L3MBTL3: variants seen among roughly 807,000 people sequenced by gnomAD.
The protein encoded by L3MBTL3 is L3MBTL histone methyl-lysine binding protein 3, also known as lethal(3)malignant brain tumor-like protein 3.
A neutral mutation model predicts 102.3 loss-of-function variants in L3MBTL3; 27 were observed. The observed-to-expected ratio is 0.26, with a 90% CI of 0.19 to 0.36. L3MBTL3 has a LOEUF of 0.36. Among genes scored for constraint, L3MBTL3 ranks in the 10% least tolerant of loss-of-function variants. The probability of loss-of-function intolerance (pLI) is 1.00; values close to 1 mark genes in which losing one functional copy is unlikely to be tolerated. For synonymous variants in L3MBTL3, 340 were observed against 320.9 expected, an observed-to-expected ratio of 1.06 and a Z score of -0.64; for missense variants, 798 against 955.3, an observed-to-expected ratio of 0.84 and a Z score of 2.17.
At chr6:130,131,821 C>T (rs1787076134) in intron 20 of L3MBTL3, among the ~76,000 whole-genome samples, 1 of 152,148 alleles carries the variant, frequency 6.6e-6, no homozygotes, top group East Asian at 1.9e-4. Flanking sequence ...GTGAGGACGA[C>T]CAGAGGTCAC....
chr6:130,037,470 C>A (rs550244848), intron 2 of L3MBTL3, among the ~76,000 whole-genome samples: 1 of 151,526 alleles, frequency 6.6e-6, no homozygotes, highest in Non-Finnish European at 1.5e-5. Flanking sequence ...TATAGGCAGT[C>A]GATATCATTG....
At chr6:130,136,629 T>A (rs1417949026) in intron 22 of L3MBTL3, among the ~76,000 whole-genome samples, 1 of 151,646 alleles carries the variant, frequency 6.6e-6, no homozygotes, top group Non-Finnish European at 1.5e-5. Context: ...AATCACCTTT[T>A]TTTTTTGAGA....
chr6:130,055,625 TCC>T, intron 8 of L3MBTL3, among the ~76,000 whole-genome samples: 1 of 71,862 alleles, frequency 1.4e-5, no homozygotes, highest in African/African-American at 5.1e-5. Flanking sequence ...TCTCCCTGTC[TCC>T]CTCCCTCCCT....
At chr6:130,075,358 C>T (rs1782883512) in intron 13 of L3MBTL3, among the ~76,000 whole-genome samples, 2 of 152,022 alleles carry the variant, frequency 1.3e-5, no homozygotes, top group African/African-American at 4.8e-5. Context: ...GGAATGGGTA[C>T]TTAGAGGTTG....
At chr6:130,100,564 T>C (rs1262878604) in intron 18 of L3MBTL3, among the ~76,000 whole-genome samples, 1 of 152,118 alleles carries the variant, frequency 6.6e-6, no homozygotes, top group African/African-American at 2.4e-5. Flanking sequence ...AAATCACTGC[T>C]TTGAGGGCTT....
At chr6:130,125,318 TTTTCCTGTGA>T (rs1786522196) in intron 20 of L3MBTL3, among the ~76,000 whole-genome samples, 1 of 152,230 alleles carries the variant, frequency 6.6e-6, no homozygotes, top group African/African-American at 2.4e-5. Flanking sequence ...GTGTCTCTTA[TTTTCCTGTGA>T]TTTCCTACAT....
intron 19 of L3MBTL3, among the ~76,000 whole-genome samples, chr6:130,119,733 A>G (rs1241706310): frequency 1.3e-5 from 2 of 152,202 alleles, no homozygotes; most frequent in African/African-American, 4.8e-5. Context: ...GAAATTTTGC[A>G]TTTGCTCCTG....
rs561128602 is a variant in L3MBTL3, at chr6:130,068,818, A to T, written c.1092+397A>T. Among the ~76,000 whole-genome samples, 3 of 152,326 alleles carry T rather than the reference A, an allele frequency of 2.0e-5. No individual in the cohort carries two copies. The South Asian group carries it at 6.2e-4, about 32-fold the overall frequency. On this transcript the variant is annotated intron_variant, in intron 12 of 22. Transcript: ENST00000361794. ...ATGTAGGAGGTCACTGGAGACTGTG[A>T]CATATCTTCACTCTAGCTTATAGCT...
chr6:130,113,810 TAAAC>T (rs1180966574), intron 19 of L3MBTL3, among the ~76,000 whole-genome samples: 4 of 152,230 alleles, frequency 2.6e-5, no homozygotes, highest in Non-Finnish European at 4.4e-5. Flanking sequence ...TGTACCCTGT[TAAAC>T]AGATAGGAAA....
At chr6:130,048,770 T>C (rs1780881461) in intron 3 of L3MBTL3, among the ~76,000 whole-genome samples, 1 of 152,170 alleles carries the variant, frequency 6.6e-6, no homozygotes, top group East Asian at 1.9e-4. Context: ...TCTTGGATTG[T>C]AAGGAGAAGG....
intron 11 of L3MBTL3, among the ~76,000 whole-genome samples, chr6:130,066,995 A>G (rs1261938921): frequency 6.6e-6 from 1 of 152,134 alleles, no homozygotes; most frequent in African/African-American, 2.4e-5. Flanking sequence ...AACTCATAGC[A>G]ATTACTTTTC....
chr6:130,049,812 C>G lies in L3MBTL3; in HGVS notation c.271C>G (p.Pro91Ala), dbSNP rs759586015. ...ATTTCCACCTGCCTACTGGACATCT[C>G]CACCTGGATGTCCCACAGGTACCTC... The part of the protein sequence containing the change: ...PVFPPAYWTS[P>A]PGCPTVFSEK... Residue 91 changes from proline (P) to alanine (A), a missense_variant, in exon 5 of 23, where the codon CCA (proline) becomes GCA (alanine). Around this residue, in one of 4 missense-constraint regions of L3MBTL3, gnomAD observed 434 missense variants for 506.6 expected, o/e 0.86. Transcript: ENST00000361794. 2.5e-6 allele frequency: 4 copies of G among 1,613,110 alleles called. No homozygotes were observed. The highest frequency in any genetic ancestry group is 3.4e-6 in the Non-Finnish European group (4 of 1,179,592).
intron 22 of L3MBTL3, among the ~76,000 whole-genome samples, chr6:130,136,199 A>G (rs1787638712): frequency 6.6e-6 from 1 of 152,178 alleles, no homozygotes; most frequent in Non-Finnish European, 1.5e-5. Flanking sequence ...GTCTATTCCC[A>G]GCACAGCCAA....
chr6:130,108,240 T>G (rs1270668352), intron 19 of L3MBTL3, among the ~76,000 whole-genome samples: 26 of 140,100 alleles, frequency 1.9e-4, no homozygotes, highest in Middle Eastern at 3.5e-3. Context: ...TGTTTTTTTT[T>G]TTTTTTTTTT....
chr6:130,056,016 C>T (rs1475719948), intron 8 of L3MBTL3, among the ~76,000 whole-genome samples: 4 of 151,732 alleles, frequency 2.6e-5, no homozygotes, highest in Non-Finnish European at 5.9e-5. Flanking sequence ...CAGCCTCCAC[C>T]TCCTGGGTTC....
At chr6:130,084,371 T>A (rs1382129447) in intron 15 of L3MBTL3, among the ~76,000 whole-genome samples, 1 of 151,554 alleles carries the variant, frequency 6.6e-6, no homozygotes, top group Admixed American at 6.6e-5. Flanking sequence ...TTTATTTTTT[T>A]AAATGTGTCA....
Position 130,042,714 on chromosome 6 carries a change from C to G in L3MBTL3, c.15C>G (p.Ala5=). The change falls in exon 3 of 23, where the codon GCC becomes GCG. Residue 5 remains alanine (A), a synonymous_variant. Transcript: ENST00000361794. MTES[A]SSTSGQEFDV... ...AAAAATAAATCATGACTGAATCTGC[C>G]TCTAGCACAAGTGGTCAAGAGTTTG... 1 of 1,612,350 alleles carries G rather than the reference C, an allele frequency of 6.2e-7. No individual in the cohort carries two copies. The highest frequency in any genetic ancestry group is 8.5e-7 in the Non-Finnish European group (1 of 1,178,602).
At chr6:130,091,656 A>G (rs1784057747) in intron 16 of L3MBTL3, among the ~76,000 whole-genome samples, 1 of 152,134 alleles carries the variant, frequency 6.6e-6, no homozygotes, top group Admixed American at 6.6e-5. Context: ...TATATACACA[A>G]CGGGATATTA....
chr6:130,044,146 A>G (rs1474099325), intron 3 of L3MBTL3, among the ~76,000 whole-genome samples: 2 of 152,220 alleles, frequency 1.3e-5, no homozygotes, highest in South Asian at 2.1e-4. Flanking sequence ...GGTCATGTCA[A>G]CTACATAATA....
Sources: allele counts gnomAD v4.1 joint callset (sites outside exome capture counted in the v4.1 genomes callset), GRCh38; gene constraint gnomAD v4.1.1; regional missense constraint gnomAD v4.1.1; transcripts MANE v1.5; gene names NCBI Gene and HGNC (gene_info 2026-07-23, HGNC 2026-07-21).